BPIFC: variants seen among roughly 807,000 people sequenced by gnomAD.
The protein encoded by BPIFC is BPI fold-containing family C protein.
Under a neutral mutation model 57.6 loss-of-function variants are expected in BPIFC, and 60 were observed. The observed-to-expected ratio is 1.04, with a 90% CI of 0.85 to 1.29. The LOEUF is 1.29. Ranked by LOEUF, BPIFC falls within the 50% of genes most tolerant of loss-of-function variation. The pLI, the probability that BPIFC is intolerant of heterozygous loss-of-function variation, is 0.00. For synonymous variants in BPIFC, 243 were observed against 224.5 expected, an observed-to-expected ratio of 1.08 and a Z score of -0.74; for missense variants, 581 against 600.5, an observed-to-expected ratio of 0.97 and a Z score of 0.34.
intron 3 of BPIFC, among the ~76,000 whole-genome samples, chr22:32,454,596 T>G (rs1045286812): frequency 1.3e-5 from 2 of 152,220 alleles, no homozygotes; most frequent in African/African-American, 4.8e-5. Context: ...ACTTTCACCC[T>G]TTTCAAGGAG....
chr22:32,462,182 A>AG (rs1441662814), intron 1 of BPIFC, among the ~76,000 whole-genome samples: 5 of 147,146 alleles, frequency 3.4e-5, no homozygotes, highest in Admixed American at 2.0e-4. Flanking sequence ...AAAAAAAAAA[A>AG]AAAAAAAAGA....
chr22:32,456,835 C>G (rs1389293927), intron 3 of BPIFC, among the ~76,000 whole-genome samples: 1 of 152,088 alleles, frequency 6.6e-6, no homozygotes, highest in Non-Finnish European at 1.5e-5. Flanking sequence ...TATGAAGGAG[C>G]CTCTCCTCAG....
At chr22:32,445,612 T>G in intron 7 of BPIFC, 23 bp downstream of exon 7, 1 of 1,574,974 alleles carries the variant, frequency 6.3e-7, no homozygotes, top group East Asian at 2.2e-5. Context: ...TTTACTGTGG[T>G]TGCCTAACCT....
chr22:32,442,544 T>C (rs752750482), intron 8 of BPIFC, 127 bp downstream of exon 8: 59 of 908,098 alleles, frequency 6.5e-5, no homozygotes, highest in Non-Finnish European at 9.3e-5. Flanking sequence ...TTCCCGGGGC[T>C]CTAATTTGCA....
intron 1 of BPIFC, among the ~76,000 whole-genome samples, chr22:32,463,672 A>G (rs572786758): frequency 6.6e-6 from 1 of 152,368 alleles, no homozygotes; most frequent in East Asian, 1.9e-4. Flanking sequence ...AAAGAAGTCT[A>G]AACTAGAAGG....
intron 2 of BPIFC, among the ~76,000 whole-genome samples, chr22:32,460,370 C>T (rs1210581378): frequency 6.6e-6 from 1 of 152,146 alleles, no homozygotes; most frequent in African/African-American, 2.4e-5. Flanking sequence ...CACAAACTCC[C>T]CAACTTACAC....
At chr22:32,438,017 T>C (rs1246872805) in intron 8 of BPIFC, among the ~76,000 whole-genome samples, 166 bp from the exon 9 acceptor site, 1 of 152,208 alleles carries the variant, frequency 6.6e-6, no homozygotes, top group Non-Finnish European at 1.5e-5. Context: ...CCAGGAAAAG[T>C]AGATAAATCA....
chr22:32,439,876 A>G (rs1230970160), intron 8 of BPIFC, among the ~76,000 whole-genome samples: 1 of 152,106 alleles, frequency 6.6e-6, no homozygotes, highest in East Asian at 1.9e-4. Context: ...CAGCTTCCCA[A>G]AGTGCTGGGA....
At chr22:32,450,135 C>G (rs201381291) in intron 4 of BPIFC, among the ~76,000 whole-genome samples, 2 of 68,522 alleles carry the variant, frequency 2.9e-5, no homozygotes, top group Non-Finnish European at 5.5e-5. Context: ...CACACACACA[C>G]ACACACATAT....
intron 3 of BPIFC, among the ~76,000 whole-genome samples, chr22:32,456,502 G>A (rs1935042994): frequency 7.5e-6 from 1 of 133,760 alleles, no homozygotes; most frequent in South Asian, 2.6e-4. Context: ...TATAGTAGAA[G>A]AAGCATTTCT....
intron 1 of BPIFC, among the ~76,000 whole-genome samples, chr22:32,462,667 A>G (rs563624728): frequency 3.5e-4 from 54 of 152,312 alleles, no homozygotes; most frequent in Non-Finnish European, 5.9e-4. Flanking sequence ...CCAAGATCCC[A>G]CAGTAAGTAA....
chr22:32,455,744 A>G (rs930331961), intron 3 of BPIFC, among the ~76,000 whole-genome samples: 1 of 152,188 alleles, frequency 6.6e-6, no homozygotes, highest in Non-Finnish European at 1.5e-5. Context: ...GACTTGGGAA[A>G]TGTCATATTC....
rs1411759053 is a variant in BPIFC, at chr22:32,416,091, T to A, written c.1325-100A>T. On this transcript the variant is annotated intron_variant, in intron 15 of 16. Transcript: ENST00000300399. ...GACTGACAGCTTGCTTTTTTTTTTT[T>A]TTTTTGAGATGGAGTTTTGCTCTTG... 51 of 730,668 alleles carry A rather than the reference T, an allele frequency of 7.0e-5. 1 individual carries two copies. In the East Asian group the frequency reaches 1.6e-3, roughly 23 times the overall value. The allele number at this position is 730,668 out of a possible 1,614,324, so 45.3% of individuals were successfully genotyped here.
chr22:32,437,768 T>G lies in BPIFC; in HGVS notation c.739A>C (p.Asn247His). Residue 247 changes from asparagine to histidine, a missense_variant, in exon 9 of 17, where the codon AAC (asparagine) becomes CAC (histidine). Coordinates refer to ENST00000300399, the MANE Select transcript of BPIFC (RefSeq NM_174932.3). Reference sequence around the variant, plus strand: ...GATGATGATAAAGTTACCTTCAAGTTCAGGTCAAGGTAGTTCTCAGTAATT... The same window carrying G: ...GATGATGATAAAGTTACCTTCAAGTGCAGGTCAAGGTAGTTCTCAGTAATT... ...PEITENYLDL[N>H]LKGVFYPLEN... The G allele has an allele frequency of 6.3e-7, 1 of 1,595,480 alleles. No individual in the cohort carries two copies. The highest frequency in any genetic ancestry group is 1.1e-5 in the South Asian group (1 of 90,668).
At chr22:32,464,315 A>G in intron 1 of BPIFC, 59 bp downstream of exon 1, 1 of 809,636 alleles carries the variant, frequency 1.2e-6, no homozygotes, top group Non-Finnish European at 1.5e-6. Flanking sequence ...CAAATCTGGG[A>G]CATCTCCAGT....
At position 32,445,929 on chromosome 22, in the gene BPIFC, G is replaced by C; in HGVS notation, c.442C>G (p.Arg148Gly). The change falls in exon 6 of 17, where the codon CGA becomes GGA. Residue 148 changes from arginine (R) to glycine (G), a missense_variant. Coordinates refer to ENST00000300399, the MANE Select transcript of BPIFC (RefSeq NM_174932.3). ...AGGGTAGGATGACCAAAGTCATTTCGGGTTAGGATAATGATACCGGTAAAG... is the reference window on the plus strand; with the variant it reads ...AGGGTAGGATGACCAAAGTCATTTCCGGTTAGGATAATGATACCGGTAAAG... Reference protein sequence around the residue: ...VYFTGIIILTRNDFGHPTLKL... With the variant: ...VYFTGIIILTGNDFGHPTLKL... 1 of 1,614,048 alleles carries C rather than the reference G, an allele frequency of 6.2e-7. No homozygotes were observed. The highest frequency in any genetic ancestry group is 1.1e-5 in the South Asian group (1 of 91,076).
At chr22:32,446,413 GTTACTCAT>G (rs1275803075) in intron 5 of BPIFC, among the ~76,000 whole-genome samples, 8 of 152,202 alleles carry the variant, frequency 5.3e-5, no homozygotes, top group Non-Finnish European at 1.5e-5. Flanking sequence ...TGGATTGTGT[GTTACTCAT>G]TTCCATGTCC....
At chr22:32,432,013 A>AGC (rs58094336) in intron 12 of BPIFC, among the ~76,000 whole-genome samples, 55,476 of 151,732 alleles carry the variant, frequency 0.37, 11,134 homozygotes, top group East Asian at 0.75. Flanking sequence ...AGCTCACTGT[A>AGC]GCCTCAAACT....
At position 32,416,010 on chromosome 22, in the gene BPIFC, C is replaced by T. The variant is rs750351154; in HGVS notation, c.1325-19G>A. 1.5e-5 allele frequency: 23 copies of T among 1,520,390 alleles called. No homozygotes were observed. Among genetic ancestry groups the T allele is most frequent in the Admixed American group, 7.9e-5 (4 of 50,464 alleles). 94.2% of individuals were successfully genotyped at this position (1,520,390 alleles called of 1,614,324 possible). A position where few individuals can be genotyped will look rare whatever the true frequency, so the allele number is the denominator to read the frequency against. The stretch of plus-strand genomic sequence containing the variant: ...AATTTTGCTAAAATATAGAACAAGA[C>T]GTAAAACAATTGGGCACAAGCACAG... On this transcript the variant is annotated intron_variant, in intron 15 of 16. Coordinates refer to ENST00000300399, the MANE Select transcript of BPIFC (RefSeq NM_174932.3).
Sources: allele counts gnomAD v4.1 joint callset (sites outside exome capture counted in the v4.1 genomes callset), GRCh38; gene constraint gnomAD v4.1.1; transcripts MANE v1.5; gene names NCBI Gene and HGNC (gene_info 2026-07-23, HGNC 2026-07-21).